Variants in LRP1 observed in about 807,000 individuals in gnomAD.
LRP1 encodes the protein prolow-density lipoprotein receptor-related protein 1.
Under a neutral mutation model 541.5 loss-of-function variants are expected in LRP1, and 51 were observed. The ratio of observed to expected loss-of-function variants is 0.09; its 90% CI spans 0.08 to 0.12. The LOEUF (loss-of-function observed/expected upper bound fraction) is 0.12. Ranked by LOEUF, LRP1 falls within the 10% of genes least tolerant of loss-of-function variation. The probability of loss-of-function intolerance (pLI) is 1.00; values close to 1 mark genes in which losing one functional copy is unlikely to be tolerated. For missense variants in LRP1, 3,878 were observed against 6,376.2 expected, an observed-to-expected ratio of 0.61 and a Z score of 13.34; for synonymous variants, 2,219 against 2,470.8, an observed-to-expected ratio of 0.90 and a Z score of 3.02.
Position 57,159,821 on chromosome 12 carries a change from A to G in LRP1, c.1799-4A>G, listed in dbSNP as rs887251653. On this transcript the variant is annotated splice_polypyrimidine_tract_variant and splice_region_variant and intron_variant, in intron 11 of 88. Coordinates refer to ENST00000243077, the MANE Select transcript of LRP1 (RefSeq NM_002332.3). ...TTCATCACTGGTCCCTCTTCCCCCA[A>G]CAGGCATCCACAATGTGGAGGGTGT... 4 of 1,613,718 alleles carry G rather than the reference A, an allele frequency of 2.5e-6. No homozygotes were observed. Among genetic ancestry groups the G allele is most frequent in the East Asian group, 4.5e-5 (2 of 44,874 alleles).
chr12:57,173,392 G>A lies in LRP1; in HGVS notation c.3346+42G>A, dbSNP rs759549321. 1.3e-6 allele frequency: 2 copies of A among 1,591,248 alleles called. No individual in the cohort carries two copies. The highest frequency in any genetic ancestry group is 3.4e-5 in the Admixed American group (2 of 59,304). On this transcript the variant is annotated intron_variant, in intron 21 of 88. Transcript: ENST00000243077. This position sits in a 1 kb window ranked among gnomAD's most constrained non-coding sequence, Gnocchi z 4.7. The stretch of plus-strand genomic sequence containing the variant: ...GAGGGCGTCTGGAACAGCACAATGT[G>A]GGCAGGAGGAGACCGTGTTGAGAGC...
In LRP1 at chr12:57,193,884, C is replaced by T. The variant is rs371171821; in HGVS notation, c.7805-15C>T. The T allele has an allele frequency of 4.0e-5, 64 of 1,610,468 alleles. No homozygotes were observed. The highest frequency in any genetic ancestry group is 3.4e-4 in the Middle Eastern group (2 of 5,850). On this transcript the variant is annotated splice_polypyrimidine_tract_variant and intron_variant, in intron 47 of 88. Transcript: ENST00000243077. ...AAAACTCTGGCCTGACGATACGGGG[C>T]GGGCACTGTTCTAGAGACAGCCTGT...
chr12:57,210,043 G>T lies in LRP1; in HGVS notation c.12454G>T (p.Asp4152Tyr). 6.2e-7 allele frequency: 1 copy of T among 1,610,522 alleles called. No homozygotes were observed. Among genetic ancestry groups the T allele is most frequent in the South Asian group, 1.1e-5 (1 of 90,502 alleles). The change falls in exon 81 of 89, where the codon GAC (aspartate) becomes TAC (tyrosine). Residue 4152 changes from aspartate (D) to tyrosine (Y), a missense_variant. Around this residue, in one of 13 missense-constraint regions of LRP1, gnomAD observed 871 missense variants for 1,212.4 expected, o/e 0.72. Transcript: ENST00000243077. ...CATACCTGCAGTGACCAACCCATGTGACCGCAAGAAATGCGAGTGGCTCTG... is the reference window on the plus strand; with the variant it reads ...CATACCTGCAGTGACCAACCCATGTTACCGCAAGAAATGCGAGTGGCTCTG... Reference protein sequence around the residue: ...HKQPEVTNPCDRKKCEWLCLL... With the variant: ...HKQPEVTNPCYRKKCEWLCLL...
In LRP1 at chr12:57,206,783, TAGAGCAGGCGGTTC is replaced by T; in HGVS notation, c.11859+51_11859+64del. The T allele has an allele frequency of 1.9e-6, 3 of 1,596,962 alleles. No individual in the cohort carries two copies. The South Asian group carries it at 3.3e-5, about 18-fold the overall frequency. On this transcript the variant is annotated intron_variant, in intron 76 of 88. Transcript: ENST00000243077. The surrounding 1 kb of genome is among the most constrained non-coding windows in gnomAD (Gnocchi z 4.7). ...GCGTGGATGGAGTGGAAGAGCTCCA[TAGAGCAGGCGGTTC>T]AGAGCAGGATTTGAAAAGGGCAGTG...
chr12:57,177,087 C>T lies in LRP1; in HGVS notation c.4038C>T (p.Pro1346=), dbSNP rs769791643. 3.3e-5 allele frequency: 54 copies of T among 1,614,078 alleles called. 1 individual carries two copies. In the South Asian group the frequency reaches 3.4e-4, roughly 10 times the overall value. ...TGATTCAGTATGGCCTGGCCACACC[C>T]GAGGGCCTGGCTGTAGACTGGATTG... The part of the protein sequence containing the change: ...EVVIQYGLAT[P]EGLAVDWIAG... The change falls in exon 25 of 89, where the codon CCC becomes CCT. Residue 1346 remains proline (P), a synonymous_variant. Transcript: ENST00000243077. The surrounding 1 kb of genome is among the most constrained non-coding windows in gnomAD (Gnocchi z 6.8).
chr12:57,167,149 G>A, intron 18 of LRP1, 103 bp downstream of exon 18: 1 of 894,276 alleles, frequency 1.1e-6, no homozygotes, highest in Non-Finnish European at 1.8e-6. Flanking sequence ...CAGCACTTGG[G>A]TGGCCTTGAG....
At chr12:57,210,214 T>C in intron 81 of LRP1, 45 bp downstream of exon 81, 4 of 1,554,644 alleles carry the variant, frequency 2.6e-6, no homozygotes, top group Non-Finnish European at 3.5e-6. Flanking sequence ...CAGGACCATC[T>C]CCTTCCTGTG....
At chr12:57,174,211 A>G (rs1177987314) in intron 22 of LRP1, among the ~76,000 whole-genome samples, 1 of 152,234 alleles carries the variant, frequency 6.6e-6, no homozygotes, top group Non-Finnish European at 1.5e-5. Flanking sequence ...CCTGGGGGCC[A>G]GGTGCTCTGT....
At chr12:57,203,742 G>A in intron 70 of LRP1, 1 of 570,998 alleles carries the variant, frequency 1.8e-6, no homozygotes, top group Non-Finnish European at 2.9e-6. Context: ...GTTGTGCCCA[G>A]CTCAATGCCC....
chr12:57,197,217 C>T lies in LRP1; in HGVS notation c.9076+52C>T, dbSNP rs778917215. ...GGTGACCCAGGCTGTGTGGGACTGC[C>T]CGGGTGGCAGAGCTCCAGACAGGCA... On this transcript the variant is annotated intron_variant, in intron 56 of 88. Coordinates refer to ENST00000243077, the MANE Select transcript of LRP1 (RefSeq NM_002332.3). The surrounding 1 kb of genome is among the most constrained non-coding windows in gnomAD (Gnocchi z 4.5). The T allele has an allele frequency of 1.2e-6, 2 of 1,613,108 alleles. No homozygotes were observed. The highest frequency in any genetic ancestry group is 3.3e-5 in the Admixed American group (2 of 59,998).
At position 57,144,987 on chromosome 12, in the gene LRP1, C is replaced by T. The variant is rs777340776; in HGVS notation, c.464C>T (p.Ser155Leu). The T allele has an allele frequency of 1.1e-5, 18 of 1,614,084 alleles. No individual in the cohort carries two copies. The East Asian group carries it at 2.0e-4, about 18-fold the overall frequency. ...TCCTCGGCAGATTTTGATGAGTGCT[C>T]AGTGTACGGCACCTGCAGCCAGCTA... The part of the protein sequence containing the change: ...GKTCKDFDEC[S>L]VYGTCSQLCT... The change falls in exon 5 of 89, where the codon TCA becomes TTA. Residue 155 changes from serine (S) to leucine (L), a missense_variant. By Grantham distance (145) the Ser-to-Leu change is moderately radical. This residue lies in a region of LRP1 where 293 missense variants were observed against 403.7 expected (regional missense o/e 0.73). Transcript: ENST00000243077.
In LRP1 at chr12:57,206,260, G is replaced by T. The variant is rs113082670; in HGVS notation, c.11591-213G>T. On this transcript the variant is annotated intron_variant, in intron 75 of 88. Transcript: ENST00000243077. The surrounding 1 kb of genome is among the most constrained non-coding windows in gnomAD (Gnocchi z 4.7). ...GGACAGCTTTCTGACTGAAAGGAGC[G>T]GGTCACAGTGGATCAGCTCAGGGGA... Among the ~76,000 whole-genome samples the T allele has an allele frequency of 6.6e-6, 1 of 152,230 alleles. No homozygotes were observed. Among genetic ancestry groups the T allele is most frequent in the Non-Finnish European group, 1.5e-5 (1 of 68,040 alleles).
intron 6 of LRP1, among the ~76,000 whole-genome samples, chr12:57,151,576 C>T (rs529843667): frequency 1.2e-3 from 181 of 152,372 alleles, no homozygotes; most frequent in African/African-American, 4.2e-3. Context: ...GACGGCTCCC[C>T]TCAGGGTTGG....
rs1261781012 is a variant in LRP1 at position 57,195,023 on chromosome 12, C to T, written c.8230C>T (p.His2744Tyr). The change falls in exon 51 of 89, where the codon CAT (histidine) becomes TAT (tyrosine). Residue 2744 changes from histidine to tyrosine, a missense_variant. Physicochemically the swap from His to Tyr is moderately conservative, Grantham distance 83. Transcript: ENST00000243077. The part of the protein sequence containing the change: ...CSEAQFECQN[H>Y]RCISKQWLCD... ...AGAGGCCCAGTTTGAGTGCCAGAACCATCGCTGCATCTCCAAGCAGTGGCT... is the reference window on the plus strand; with the variant it reads ...AGAGGCCCAGTTTGAGTGCCAGAACTATCGCTGCATCTCCAAGCAGTGGCT... 1.2e-6 allele frequency: 2 copies of T among 1,614,102 alleles called. No individual in the cohort carries two copies. Among genetic ancestry groups the T allele is most frequent in the South Asian group, 1.1e-5 (1 of 91,070 alleles).
chr12:57,179,724 C>A lies in LRP1; in HGVS notation c.4967-58C>A. 6.5e-7 allele frequency: 1 copy of A among 1,536,000 alleles called. No homozygotes were observed. The highest frequency in any genetic ancestry group is 1.2e-5 in the South Asian group (1 of 86,442). On this transcript the variant is annotated intron_variant, in intron 29 of 88. Coordinates refer to ENST00000243077, the MANE Select transcript of LRP1 (RefSeq NM_002332.3). The surrounding 1 kb of genome is among the most constrained non-coding windows in gnomAD (Gnocchi z 6.8). Reference sequence around the variant, plus strand: ...TTTCTCCAGAAGGCACACTGGCTCCCCTCCTGACCCACTGCCCTGCAGACA... The same window carrying A: ...TTTCTCCAGAAGGCACACTGGCTCCACTCCTGACCCACTGCCCTGCAGACA...
Position 57,201,558 on chromosome 12 carries a change from G to T in LRP1, c.10407G>T (p.Arg3469=), listed in dbSNP as rs2136741688. 6.2e-7 allele frequency: 1 copy of T among 1,614,076 alleles called. No homozygotes were observed. The highest frequency in any genetic ancestry group is 1.7e-4 in the Middle Eastern group (1 of 6,060). Residue 3469 remains arginine (R), a synonymous_variant, in exon 66 of 89, where the codon CGG becomes CGT. Transcript: ENST00000243077. The surrounding 1 kb of genome is among the most constrained non-coding windows in gnomAD (Gnocchi z 6.4). The part of the protein sequence containing the change: ...QCSITKRCIP[R]VWVCDRDNDC... ...CCATTACCAAACGGTGCATCCCCCG[G>T]GTCTGGGTCTGCGACCGGGACAATG...
At chr12:57,181,384 GACAAGACT>G in intron 34 of LRP1, 93 bp downstream of exon 34, 1 of 1,463,740 alleles carries the variant, frequency 6.8e-7, no homozygotes, top group Non-Finnish European at 9.2e-7. Flanking sequence ...TTACCTTGGG[GACAAGACT>G]ACATTCGTCG....
chr12:57,170,726 T>C (rs1250333015), intron 20 of LRP1, among the ~76,000 whole-genome samples: 1 of 151,760 alleles, frequency 6.6e-6, no homozygotes, highest in Non-Finnish European at 1.5e-5. Context: ...AAGGCTGAGG[T>C]GAGAGGTTGA....
intron 41 of LRP1, 109 bp downstream of exon 41, chr12:57,186,017 T>A: frequency 1.5e-6 from 2 of 1,300,042 alleles, no homozygotes; most frequent in East Asian, 2.5e-5. Context: ...TCCCAGCAGC[T>A]ACAACTCAGC....
Sources: allele counts gnomAD v4.1 joint callset (sites outside exome capture counted in the v4.1 genomes callset), GRCh38; gene constraint gnomAD v4.1.1; regional missense constraint gnomAD v4.1.1; non-coding constraint Gnocchi (gnomAD v3.1); transcripts MANE v1.5; gene names NCBI Gene and HGNC (gene_info 2026-07-23, HGNC 2026-07-21).